The following SPSB2 variants were observed in gnomAD, a reference collection of about 807,000 sequenced individuals.
SPSB2 encodes the protein SPRY domain-containing SOCS box protein 2.
Under a neutral mutation model 19.2 loss-of-function variants are expected in SPSB2, and 25 were observed. The observed-to-expected ratio is 1.30, with a 90% CI of 0.95 to 1.82. The LOEUF (loss-of-function observed/expected upper bound fraction) is 1.82. Ranked by LOEUF, SPSB2 falls within the 40% of genes most tolerant of loss-of-function variation. The probability of loss-of-function intolerance (pLI) is 0.00; values close to 1 mark genes in which losing one functional copy is unlikely to be tolerated. For missense variants in SPSB2, 413 were observed against 344.9 expected (o/e 1.20, Z -1.56); for synonymous variants, 153 against 154.9 (o/e 0.99, Z 0.09).
chr12:6,872,231 G>C lies in SPSB2; in HGVS notation c.664+7C>G. 1 of 1,614,024 alleles carries C rather than the reference G, an allele frequency of 6.2e-7. No homozygotes were observed. The highest frequency in any genetic ancestry group is 1.3e-5 in the African/African-American group (1 of 75,036). Reference sequence around the variant, plus strand: ...AAAGTTCTCCCCACGTCTGCCCCAGGCCTCACCTCTCCTTTCGCCCAGGTA... The same window carrying C: ...AAAGTTCTCCCCACGTCTGCCCCAGCCCTCACCTCTCCTTTCGCCCAGGTA... On this transcript the variant is annotated splice_region_variant and intron_variant, in intron 2 of 2. Transcript: ENST00000524270.
intron 2 of SPSB2, chr12:6,871,862 TGGGTAC>T: frequency 1.4e-6 from 1 of 715,858 alleles, no homozygotes; most frequent in South Asian, 2.3e-5. Context: ...GTATACAGCC[TGGGTAC>T]CTGGCTCTGC....
At chr12:6,872,136 T>C (rs1944607313) in intron 2 of SPSB2, 102 bp downstream of exon 2, 2 of 1,612,904 alleles carry the variant, frequency 1.2e-6, no homozygotes, top group Admixed American at 1.7e-5. Context: ...TGAGGCAGGC[T>C]GGATGAAGGT....
At chr12:6,873,031 G>T in intron 1 of SPSB2, 34 bp from the exon 2 acceptor site, 1 of 653,018 alleles carries the variant, frequency 1.5e-6, no homozygotes, top group Non-Finnish European at 2.6e-6. Flanking sequence ...GCAGAATCCT[G>T]GCGGGGGCTC....
rs1944579766 is a variant in SPSB2 at position 6,871,029 on chromosome 12, C to T, written c.*163G>A. The T allele has an allele frequency of 1.2e-6, 1 of 836,726 alleles. No homozygotes were observed. The highest frequency in any genetic ancestry group is 2.6e-5 in the East Asian group (1 of 37,794). The allele number at this position is 836,726 out of a possible 1,614,324, so 51.8% of individuals were successfully genotyped here. A position where few individuals can be genotyped will look rare whatever the true frequency, so the allele number is the denominator to read the frequency against. On this transcript the variant is annotated 3_prime_UTR_variant, in exon 3 of 3. Coordinates refer to ENST00000524270, the MANE Select transcript of SPSB2 (RefSeq NM_032641.4). ...GAACGCCGGCTCCCTTTCTTCCTCC[C>T]TCCAAGTGGCTCTGGGGCTGTTGAT... is the stretch of plus-strand genomic sequence containing the variant.
At chr12:6,873,053 A>C in intron 1 of SPSB2, 56 bp from the exon 2 acceptor site, 1 of 587,310 alleles carries the variant, frequency 1.7e-6, no homozygotes, top group Non-Finnish European at 3.0e-6. Context: ...TCACCCAGGT[A>C]CCCCATCCTT....
In SPSB2 at chr12:6,872,415, C is replaced by T. The variant is rs1555133817; in HGVS notation, c.487G>A (p.Val163Met). The T allele has an allele frequency of 7.4e-6, 12 of 1,614,142 alleles. No homozygotes were observed. Among genetic ancestry groups the T allele is most frequent in the Admixed American group, 1.7e-5 (1 of 60,014 alleles). ...PAGTQGEQLEVPERLLVVLDM... is the reference protein window; with the variant it reads ...PAGTQGEQLEMPERLLVVLDM... ...AGAACCACCAGCAGTCTCTCTGGCA[C>T]CTCCAGCTGCTCACCCTGAGTTCCC... The change falls in exon 2 of 3, where the codon GTG (valine) becomes ATG (methionine). Residue 163 changes from valine (V) to methionine (M), a missense_variant. Val to Met is a conservative substitution (Grantham distance 21, BLOSUM62 1). Transcript: ENST00000524270.
rs527792168 is a variant in SPSB2 at position 6,872,283 on chromosome 12, A to C, written c.619T>G (p.Trp207Gly). 6.2e-7 allele frequency: 1 copy of C among 1,613,914 alleles called. No homozygotes were observed. Among genetic ancestry groups the C allele is most frequent in the Non-Finnish European group, 8.5e-7 (1 of 1,179,908 alleles). Residue 207 changes from tryptophan to glycine, a missense_variant, in exon 2 of 3, where the codon TGG becomes GGG. Coordinates refer to ENST00000524270, the MANE Select transcript of SPSB2 (RefSeq NM_032641.4). ...CGGATGCGGACCTGGCACTGGCCCC[A>C]GACAGCGCTTACTGCCGGATAGAGG... ...RTLYPAVSAVWGQCQVRIRYL... is the reference protein window; with the variant it reads ...RTLYPAVSAVGGQCQVRIRYL...
At chr12:6,871,528 A>G (rs1292646888) in intron 2 of SPSB2, 1 of 614,742 alleles carries the variant, frequency 1.6e-6, no homozygotes, top group Non-Finnish European at 2.8e-6. Context: ...AGAGCTGGCT[A>G]AGGCCCTCTA....
chr12:6,871,012 G>A lies in SPSB2; in HGVS notation c.*180C>T, dbSNP rs782814248. 1.4e-5 allele frequency: 10 copies of A among 731,362 alleles called. No individual in the cohort carries two copies. The highest frequency in any genetic ancestry group is 2.1e-5 in the Non-Finnish European group (9 of 431,322). The allele number at this position is 731,362 out of a possible 1,614,324, so 45.3% of individuals were successfully genotyped here. On this transcript the variant is annotated 3_prime_UTR_variant, in exon 3 of 3. Transcript: ENST00000524270. The stretch of plus-strand genomic sequence containing the variant: ...CAGACTGTCATAGCCTTGAACGCCG[G>A]CTCCCTTTCTTCCTCCCTCCAAGTG...
chr12:6,872,119 C>T (rs782323084), intron 2 of SPSB2, 119 bp downstream of exon 2: 6 of 1,612,524 alleles, frequency 3.7e-6, no homozygotes, highest in Non-Finnish European at 5.1e-6. Context: ...CAGCACTGAA[C>T]AGAGGTTGAG....
In SPSB2 at chr12:6,871,233, G is replaced by T. The variant is rs1944585962; in HGVS notation, c.751C>A (p.Pro251Thr). ...DTRLGQVSAL[P>T]LPPAMKRYLL... ...TAGCGCTTCATGGCAGGGGGCAAGG[G>T]CAGGGCAGACACCTGGCCGAGCCGG... is the stretch of plus-strand genomic sequence containing the variant. The change falls in exon 3 of 3, where the codon CCC (proline) becomes ACC (threonine). Residue 251 changes from proline (P) to threonine (T), a missense_variant. By Grantham distance (38) the Pro-to-Thr change is conservative. Coordinates refer to ENST00000524270, the MANE Select transcript of SPSB2 (RefSeq NM_032641.4). The T allele has an allele frequency of 6.2e-7, 1 of 1,612,218 alleles. No homozygotes were observed. The highest frequency in any genetic ancestry group is 1.1e-5 in the South Asian group (1 of 90,758).
chr12:6,872,946 C>T lies in SPSB2; in HGVS notation c.-45G>A, dbSNP rs1321444530. 2.0e-5 allele frequency: 28 copies of T among 1,366,980 alleles called. No homozygotes were observed. The highest frequency in any genetic ancestry group is 2.8e-5 in the Non-Finnish European group (28 of 1,003,622). 84.7% of individuals were successfully genotyped at this position (1,366,980 alleles called of 1,614,324 possible). A position where few individuals can be genotyped will look rare whatever the true frequency, so the allele number is the denominator to read the frequency against. ...ACTCCCCGAAAGAGGCTTGCTGGGG[C>T]GTCTTTCTCTTCTGAAAGTTGAGCT... is the stretch of plus-strand genomic sequence containing the variant. On this transcript the variant is annotated 5_prime_UTR_variant, in exon 2 of 3. Transcript: ENST00000524270.
rs1944578546 is a variant in SPSB2 at position 6,871,001 on chromosome 12, C to T, written c.*191G>A. ...GTTTTGCGTAGCAGACTGTCATAGCCTTGAACGCCGGCTCCCTTTCTTCCT... is the reference window on the plus strand; with the variant it reads ...GTTTTGCGTAGCAGACTGTCATAGCTTTGAACGCCGGCTCCCTTTCTTCCT... On this transcript the variant is annotated 3_prime_UTR_variant, in exon 3 of 3. Coordinates refer to ENST00000524270, the MANE Select transcript of SPSB2 (RefSeq NM_032641.4). 3 of 706,064 alleles carry T rather than the reference C, an allele frequency of 4.2e-6. No homozygotes were observed. Among genetic ancestry groups the T allele is most frequent in the Non-Finnish European group, 4.9e-6 (2 of 405,916 alleles). The allele number at this position is 706,064 out of a possible 1,614,324, so 43.7% of individuals were successfully genotyped here. A position where few individuals can be genotyped will look rare whatever the true frequency, so the allele number is the denominator to read the frequency against.
chr12:6,871,280 A>G lies in SPSB2; in HGVS notation c.704T>C (p.Val235Ala), dbSNP rs375936158. The G allele has an allele frequency of 2.9e-5, 47 of 1,613,850 alleles. No individual in the cohort carries two copies. Among genetic ancestry groups the G allele is most frequent in the East Asian group, 2.2e-4 (10 of 44,896 alleles). The change falls in exon 3 of 3, where the codon GTG becomes GCG. Residue 235 changes from valine (V) to alanine (A), a missense_variant. Physicochemically the swap from Val to Ala is moderately conservative, Grantham distance 64 (BLOSUM62 0). Coordinates refer to ENST00000524270, the MANE Select transcript of SPSB2 (RefSeq NM_032641.4). The part of the protein sequence containing the change: ...HSLLHLSRLC[V>A]RHNLGDTRLG... ...CCGGGTATCCCCCAGGTTGTGGCGC[A>G]CACACAGGCGGCTCAGGTGCAGAAG...
intron 2 of SPSB2, chr12:6,871,812 G>A (rs1944600509): frequency 4.3e-6 from 2 of 465,896 alleles, no homozygotes; most frequent in East Asian, 3.8e-5. Context: ...GAAGGAAGTA[G>A]GTATGTGGCA....
rs781971313 is a variant in SPSB2, at chr12:6,872,499, T to A, written c.403A>T (p.Ile135Phe). 1.2e-6 allele frequency: 2 copies of A among 1,612,842 alleles called. No individual in the cohort carries two copies. Among genetic ancestry groups the A allele is most frequent in the East Asian group, 2.2e-5 (1 of 44,874 alleles). Reference protein sequence around the residue: ...GSNSESWGWDIGRGKLYHQSK... With the variant: ...GSNSESWGWDFGRGKLYHQSK... ...TGATGGTACAGCTTCCCCCGCCCGA[T>A]GTCCCAGCCCCACGACTCGCTGTTG... The change falls in exon 2 of 3, where the codon ATC becomes TTC. Residue 135 changes from isoleucine to phenylalanine, a missense_variant. Ile to Phe is a conservative substitution (Grantham distance 21, BLOSUM62 0). Coordinates refer to ENST00000524270, the MANE Select transcript of SPSB2 (RefSeq NM_032641.4).
At chr12:6,871,854 A>G in intron 2 of SPSB2, 1 of 650,058 alleles carries the variant, frequency 1.5e-6, no homozygotes. Context: ...GGAATCCGGT[A>G]TACAGCCTGG....
In SPSB2 at chr12:6,872,709, A is replaced by AC. The variant is rs782125536; in HGVS notation, c.192dup (p.Tyr65ValfsTer3). The AC allele has an allele frequency of 1.8e-5, 29 of 1,612,960 alleles. No individual in the cohort carries two copies. The South Asian group carries it at 3.1e-4, about 17-fold the overall frequency. On this transcript the variant is annotated frameshift_variant, in exon 2 of 3. Transcript: ENST00000524270. LOFTEE classifies it high-confidence loss of function. Reference sequence around the variant, plus strand: ...TGGGCCACGGGCCGCCGCTCAAAGTACAACCCTCCTTCCTTGACCTCGATG... The same window carrying AC: ...TGGGCCACGGGCCGCCGCTCAAAGTACCAACCCTCCTTCCTTGACCTCGATG...
chr12:6,873,054 C>T (rs1451735259), intron 1 of SPSB2, 57 bp from the exon 2 acceptor site: 1 of 593,198 alleles, frequency 1.7e-6, no homozygotes, highest in East Asian at 2.8e-5. Flanking sequence ...CACCCAGGTA[C>T]CCCATCCTTT....
Sources: allele counts gnomAD v4.1 joint callset, GRCh38; gene constraint gnomAD v4.1.1; transcripts MANE v1.5; gene names NCBI Gene and HGNC (gene_info 2026-07-23, HGNC 2026-07-21).